The following SLC44A5 variants were observed in gnomAD, a reference collection of about 807,000 sequenced individuals.
SLC44A5 encodes solute carrier family 44 member 5.
A neutral mutation model predicts 101.8 loss-of-function variants in SLC44A5; 57 were observed. That is an observed-to-expected ratio of 0.56 (90% confidence interval 0.45 to 0.70). SLC44A5 has a LOEUF of 0.70. SLC44A5 is among the 30% of genes least tolerant of loss of function. The pLI is 0.00. For synonymous variants in SLC44A5, 281 were observed against 290.9 expected, an observed-to-expected ratio of 0.97 and a Z score of 0.35; for missense variants, 737 against 853.1, an observed-to-expected ratio of 0.86 and a Z score of 1.70.
rs536837744 is a variant in SLC44A5 at position 75,279,731 on chromosome 1, T to A, written c.176-4689A>T. The stretch of plus-strand genomic sequence containing the variant: ...TTTCCTTTTTTTACAACTTATAAAG[T>A]GTATGTTTGTATGTATGTATACATG... On this transcript the variant is annotated intron_variant, in intron 5 of 23. Coordinates refer to ENST00000370859, the MANE Select transcript of SLC44A5 (RefSeq NM_001130058.2). Among the ~76,000 whole-genome samples, 7 of 150,438 alleles carry A rather than the reference T, an allele frequency of 4.7e-5. No homozygotes were observed. In the East Asian group the frequency reaches 1.2e-3, roughly 25 times the overall value.
chr1:75,403,402 G>A (rs571471847), intron 2 of SLC44A5, among the ~76,000 whole-genome samples: 66 of 152,292 alleles, frequency 4.3e-4, no homozygotes, highest in South Asian at 6.2e-4. Context: ...TCCTGACTGG[G>A]AGATACCTCC....
In SLC44A5 at chr1:75,491,887, G is replaced by T. The variant is rs138975950; in HGVS notation, c.13+49548C>A. On this transcript the variant is annotated intron_variant, in intron 2 of 23. Transcript: ENST00000370859. ...GACTTGATTTTAAAACATTTTTTATGATTGCAACAAGTGGACAGAATATGG... is the reference window on the plus strand; with the variant it reads ...GACTTGATTTTAAAACATTTTTTATTATTGCAACAAGTGGACAGAATATGG... Among the ~76,000 whole-genome samples, 377 of 152,260 alleles carry T rather than the reference G, an allele frequency of 2.5e-3. 1 individual carries two copies. The highest frequency in any genetic ancestry group is 8.6e-3 in the African/African-American group (359 of 41,542).
intron 2 of SLC44A5, among the ~76,000 whole-genome samples, chr1:75,509,549 G>T (rs1252686566): frequency 6.6e-6 from 1 of 152,162 alleles, no homozygotes. Flanking sequence ...CAATGGAAAA[G>T]ATACCCAGTA....
intron 2 of SLC44A5, among the ~76,000 whole-genome samples, chr1:75,523,604 G>A (rs948314596): frequency 3.3e-5 from 5 of 152,054 alleles, no homozygotes; most frequent in African/African-American, 9.7e-5. Flanking sequence ...TTACAGGCGT[G>A]AGCCACCATC....
intron 1 of SLC44A5, among the ~76,000 whole-genome samples, chr1:75,542,011 A>G (rs916192546): frequency 1.3e-5 from 2 of 152,140 alleles, no homozygotes; most frequent in African/African-American, 4.8e-5. Flanking sequence ...TGGCATTTAA[A>G]ATTATATGGC....
the SLC44A5 span, among the ~76,000 whole-genome samples, chr1:75,668,161 A>C: frequency 1.3e-5 from 2 of 152,108 alleles, no homozygotes; most frequent in Non-Finnish European, 2.9e-5. Context: ...AAAAATTATA[A>C]ATTTTTAAAC....
At chr1:75,407,343 G>T (rs560919878) in intron 2 of SLC44A5, among the ~76,000 whole-genome samples, 79 of 152,128 alleles carry the variant, frequency 5.2e-4, no homozygotes, top group Admixed American at 4.0e-3. Context: ...TTTCTTCACA[G>T]AATTAGAAAA....
At chr1:75,308,699 G>A (rs1487604969) in intron 4 of SLC44A5, among the ~76,000 whole-genome samples, 1 of 152,174 alleles carries the variant, frequency 6.6e-6, no homozygotes, top group African/African-American at 2.4e-5. Flanking sequence ...ATCAACAAAG[G>A]TTGAAGGGAA....
At chr1:75,574,312 A>G (rs1673249208) in intron 1 of SLC44A5, among the ~76,000 whole-genome samples, 1 of 152,190 alleles carries the variant, frequency 6.6e-6, no homozygotes, top group South Asian at 2.1e-4. Flanking sequence ...TTATTTAGTA[A>G]ATGATCTAAA....
chr1:75,387,148 G>C (rs896226289), intron 3 of SLC44A5, among the ~76,000 whole-genome samples: 5 of 152,112 alleles, frequency 3.3e-5, no homozygotes, highest in Non-Finnish European at 7.4e-5. Context: ...ACATAGGCTT[G>C]TGCAAGGACT....
chr1:75,549,210 T>C (rs1003058861), intron 1 of SLC44A5, among the ~76,000 whole-genome samples: 2 of 152,172 alleles, frequency 1.3e-5, no homozygotes, highest in Admixed American at 6.6e-5. Context: ...GACACTGAGA[T>C]TGGCATTGTT....
At chr1:75,268,930 C>T (rs598609) in intron 6 of SLC44A5, among the ~76,000 whole-genome samples, 106,461 of 151,924 alleles carry the variant, frequency 0.7, 37,850 homozygotes, top group East Asian at 0.93. Context: ...GTGCCTATAA[C>T]GTTAGGAAAT....
At chr1:75,243,478 T>C (rs1042778419) in intron 7 of SLC44A5, among the ~76,000 whole-genome samples, 2 of 152,060 alleles carry the variant, frequency 1.3e-5, no homozygotes, top group African/African-American at 4.8e-5. Context: ...TGAAATTTCA[T>C]GTACTAGTTA....
chr1:75,701,206 A>G, the SLC44A5 span, among the ~76,000 whole-genome samples: 1 of 152,224 alleles, frequency 6.6e-6, no homozygotes, highest in Non-Finnish European at 1.5e-5. Flanking sequence ...CACACAAAAA[A>G]AGAGAATTTT....
chr1:75,388,231 T>TAAAA (rs1557731889), intron 3 of SLC44A5, among the ~76,000 whole-genome samples: 2 of 124,668 alleles, frequency 1.6e-5, no homozygotes, highest in African/African-American at 3.1e-5. Flanking sequence ...AATAAATAAA[T>TAAAA]AAATCCAAAA....
chr1:75,443,943 A>G (rs1665353338), intron 2 of SLC44A5, among the ~76,000 whole-genome samples: 1 of 152,138 alleles, frequency 6.6e-6, no homozygotes, highest in African/African-American at 2.4e-5. Context: ...CCATATGATC[A>G]TCTGAATGGA....
At chr1:75,333,457 AT>A (rs5775282) in intron 4 of SLC44A5, among the ~76,000 whole-genome samples, 57,362 of 142,912 alleles carry the variant, frequency 0.4, 11,387 homozygotes, top group East Asian at 0.78. Context: ...TCTTTTTTCT[AT>A]TTTTTTTTTT....
intron 1 of SLC44A5, among the ~76,000 whole-genome samples, chr1:75,547,875 A>G (rs1160055084): frequency 2.0e-5 from 3 of 152,146 alleles, no homozygotes; most frequent in Admixed American, 2.0e-4. Flanking sequence ...GTCTTAAAAA[A>G]TCTGTAAAAG....
At chr1:75,719,389 C>A in the SLC44A5 span, among the ~76,000 whole-genome samples, 3 of 151,896 alleles carry the variant, frequency 2.0e-5, no homozygotes, top group Admixed American at 6.6e-5. Context: ...AATAACCAGG[C>A]CAATATAATG....
Sources: gnomAD v4.1 joint callset for allele counts (sites outside exome capture counted in the v4.1 genomes callset) on GRCh38, gnomAD v4.1.1 for gene constraint, MANE v1.5 for transcripts, NCBI Gene and HGNC (gene_info 2026-07-23, HGNC 2026-07-21) for gene names.